Variants in CSMD1 observed in about 807,000 individuals in gnomAD.
The protein encoded by CSMD1 is CUB and Sushi multiple domains 1.
A neutral mutation model predicts 417.5 loss-of-function variants in CSMD1; 213 were observed. That is an observed-to-expected ratio of 0.51 (90% CI 0.46 to 0.57). CSMD1 has a LOEUF of 0.57. Ranked by LOEUF, CSMD1 falls within the 20% of genes least tolerant of loss-of-function variation. The pLI is 0.00. For synonymous variants in CSMD1, 2,862 were observed against 1,736.8 expected (o/e 1.65, Z -16.11); for missense variants, 6,923 against 4,529.7 (o/e 1.53, Z -15.17).
chr8:3,728,393 T>A (rs1267409695), intron 6 of CSMD1, among the ~76,000 whole-genome samples: 1 of 152,244 alleles, frequency 6.6e-6, no homozygotes, highest in Non-Finnish European at 1.5e-5. Flanking sequence ...ATTGGGTATG[T>A]CTTTATCAGC....
intron 2 of CSMD1, among the ~76,000 whole-genome samples, chr8:4,568,829 G>T (rs563619981): frequency 5.3e-5 from 8 of 152,184 alleles, no homozygotes; most frequent in Admixed American, 3.9e-4. Context: ...GGCATGAGAT[G>T]GTATCTCATA....
chr8:4,416,480 G>A (rs1796947579), intron 3 of CSMD1, among the ~76,000 whole-genome samples: 2 of 151,986 alleles, frequency 1.3e-5, no homozygotes, highest in South Asian at 4.2e-4. Flanking sequence ...CATTAAAATT[G>A]ATATTTAGAC....
At chr8:3,155,529 A>G (rs11136585) in intron 39 of CSMD1, among the ~76,000 whole-genome samples, 39,412 of 150,770 alleles carry the variant, frequency 0.26, 6,417 homozygotes, top group African/African-American at 0.47. Flanking sequence ...CACCACGCCC[A>G]GCTAATTTTT....
intron 12 of CSMD1, among the ~76,000 whole-genome samples, chr8:3,429,887 T>C (rs1814107332): frequency 6.6e-6 from 1 of 152,198 alleles, no homozygotes; most frequent in South Asian, 2.1e-4. Context: ...ACATAAACTG[T>C]GCACCAGATC....
chr8:3,394,030 A>T (rs1394360952), intron 17 of CSMD1, among the ~76,000 whole-genome samples: 1,402 of 74,306 alleles, frequency 0.019, 61 homozygotes, highest in African/African-American at 0.055. Flanking sequence ...ATATATATAT[A>T]TATATATATA....
chr8:3,729,851 TA>T (rs1345962243), intron 6 of CSMD1, among the ~76,000 whole-genome samples: 1 of 147,060 alleles, frequency 6.8e-6, no homozygotes, highest in Admixed American at 7.0e-5. Context: ...ATATTCCATG[TA>T]TTGAAGCACG....
At chr8:3,117,144 C>G (rs1199113353) in intron 42 of CSMD1, among the ~76,000 whole-genome samples, 1 of 152,110 alleles carries the variant, frequency 6.6e-6, no homozygotes, top group Admixed American at 6.5e-5. Flanking sequence ...GATCTCAGGG[C>G]ACTGCAACCT....
At chr8:4,374,209 G>A (rs192034355) in intron 3 of CSMD1, among the ~76,000 whole-genome samples, 7 of 152,192 alleles carry the variant, frequency 4.6e-5, no homozygotes, top group Admixed American at 1.3e-4. Flanking sequence ...CTTTGAGGAA[G>A]GATTAACAGC....
At chr8:4,153,482 A>G (rs970838443) in intron 3 of CSMD1, among the ~76,000 whole-genome samples, 1 of 152,232 alleles carries the variant, frequency 6.6e-6, no homozygotes, top group East Asian at 1.9e-4. Context: ...TCTGCTTCCC[A>G]GTCTTTCTGA....
chr8:3,195,411 A>G (rs139842381), intron 33 of CSMD1, among the ~76,000 whole-genome samples: 88 of 152,350 alleles, frequency 5.8e-4, no homozygotes, highest in Middle Eastern at 3.4e-3. Flanking sequence ...AGGCCAAAGC[A>G]AAGTCTCTAA....
chr8:3,658,106 T>C (rs1405973362), intron 7 of CSMD1, among the ~76,000 whole-genome samples: 2 of 152,162 alleles, frequency 1.3e-5, no homozygotes, highest in African/African-American at 4.8e-5. Context: ...AGCAACATTA[T>C]TATCATCAAA....
chr8:3,503,678 G>C (rs542121596), intron 10 of CSMD1, among the ~76,000 whole-genome samples: 31 of 152,206 alleles, frequency 2.0e-4, no homozygotes, highest in Non-Finnish European at 3.4e-4. Flanking sequence ...CTCAGCTCAA[G>C]ACAGCTAAAG....
intron 26 of CSMD1, among the ~76,000 whole-genome samples, chr8:3,272,252 G>A (rs370450824): frequency 0.18 from 20,725 of 118,256 alleles, 2,534 homozygotes; most frequent in African/African-American, 0.27. Flanking sequence ...GATATGCGGC[G>A]TTATTTCTGA....
intron 9 of CSMD1, among the ~76,000 whole-genome samples, chr8:3,582,177 G>A (rs758228653): frequency 1.2e-4 from 18 of 152,182 alleles, no homozygotes; most frequent in African/African-American, 3.6e-4. Context: ...TGTACCGAAC[G>A]TGTCAACAGC....
intron 6 of CSMD1, among the ~76,000 whole-genome samples, chr8:3,718,632 G>T: frequency 6.6e-6 from 1 of 152,132 alleles, no homozygotes; most frequent in Non-Finnish European, 1.5e-5. Context: ...GAATCATTGT[G>T]TCAAGGTAGT....
intron 2 of CSMD1, among the ~76,000 whole-genome samples, chr8:4,533,908 A>G (rs1299667940): frequency 1.3e-5 from 2 of 149,110 alleles, no homozygotes; most frequent in African/African-American, 4.9e-5. Context: ...TAGCTAGAAT[A>G]TAATATACAT....
intron 37 of CSMD1, among the ~76,000 whole-genome samples, chr8:3,179,153 G>A (rs947023221): frequency 8.6e-5 from 13 of 151,330 alleles, no homozygotes; most frequent in South Asian, 4.2e-4. Flanking sequence ...CAACGTGTTA[G>A]CCAGGACTGT....
At chr8:4,166,427 C>T (rs769481184) in intron 3 of CSMD1, among the ~76,000 whole-genome samples, 5 of 152,106 alleles carry the variant, frequency 3.3e-5, no homozygotes, top group Non-Finnish European at 2.9e-5. Context: ...CAATAATAGC[C>T]ATAACATAGA....
chr8:4,413,557 T>C (rs527267024), intron 3 of CSMD1, among the ~76,000 whole-genome samples: 3 of 152,174 alleles, frequency 2.0e-5, no homozygotes, highest in Admixed American at 2.0e-4. Flanking sequence ...CTAATTCTTT[T>C]AAAAAATTAT....
Sources: gnomAD v4.1 joint callset for allele counts (sites outside exome capture counted in the v4.1 genomes callset) on GRCh38, gnomAD v4.1.1 for gene constraint, MANE v1.5 for transcripts, NCBI Gene and HGNC (gene_info 2026-07-23, HGNC 2026-07-21) for gene names.